Variants in TTC21A observed in about 807,000 individuals in gnomAD.
TTC21A encodes the protein tetratricopeptide repeat domain 21A.
In TTC21A, 128 loss-of-function variants were observed where a neutral mutation model predicts 156.4. That is an observed-to-expected ratio of 0.82 (90% confidence interval 0.71 to 0.95). The LOEUF is 0.95. Ranked by LOEUF, TTC21A falls within the 40% of genes least tolerant of loss-of-function variation. The pLI, the probability that TTC21A is intolerant of heterozygous loss-of-function variation, is 0.00. For synonymous variants in TTC21A, 587 were observed against 617.1 expected, an observed-to-expected ratio of 0.95 and a Z score of 0.72; for missense variants, 1,435 against 1,602.3, an observed-to-expected ratio of 0.90 and a Z score of 1.78.
Position 39,136,449 on chromosome 3 carries a change from G to A in TTC21A, c.3037G>A (p.Val1013Met), listed in dbSNP as rs1179823414. The change falls in exon 23 of 29, where the codon GTG becomes ATG. Residue 1013 changes from valine (V) to methionine (M), a missense_variant. Val to Met is a conservative substitution (Grantham distance 21, BLOSUM62 1). Coordinates refer to ENST00000683103, the MANE Select transcript of TTC21A (RefSeq NM_001366900.1). ...TGCCTTCTTTGAATTGGCCAAGAAGGTGTCTAGCCGGGTGCCTTTGGAACC... is the reference window on the plus strand; with the variant it reads ...TGCCTTCTTTGAATTGGCCAAGAAGATGTCTAGCCGGGTGCCTTTGGAACC... ...IPAFFELAKK[V>M]SSRVPLEPGF... 1 of 1,614,250 alleles carries A rather than the reference G, an allele frequency of 6.2e-7. No individual in the cohort carries two copies. Among genetic ancestry groups the A allele is most frequent in the Non-Finnish European group, 8.5e-7 (1 of 1,180,042 alleles).
At chr3:39,129,357 C>A in intron 15 of TTC21A, 47 bp downstream of exon 15, 1 of 1,400,032 alleles carries the variant, frequency 7.1e-7, no homozygotes, top group Non-Finnish European at 1.0e-6. Flanking sequence ...CCAATGGTAT[C>A]TTAGGGAGTG....
Position 39,134,382 on chromosome 3 carries a change from C to A in TTC21A, c.2862+54C>A. On this transcript the variant is annotated intron_variant, in intron 21 of 28. Coordinates refer to ENST00000683103, the MANE Select transcript of TTC21A (RefSeq NM_001366900.1). The surrounding 1 kb of genome is among the most constrained non-coding windows in gnomAD (Gnocchi z 4.6). ...CCCTCCCTTCCTCCCTTCCCAGGGT[C>A]CCTGTGACCAGATGCAGGCTACTTC... The A allele has an allele frequency of 7.8e-7, 1 of 1,287,674 alleles. No individual in the cohort carries two copies. Among genetic ancestry groups the A allele is most frequent in the Non-Finnish European group, 1.1e-6 (1 of 882,320 alleles). The allele number at this position is 1,287,674 out of a possible 1,614,324, so 79.8% of individuals were successfully genotyped here. A position where few individuals can be genotyped will look rare whatever the true frequency, so the allele number is the denominator to read the frequency against.
intron 26 of TTC21A, 112 bp from the exon 27 acceptor site, chr3:39,138,155 C>T (rs1051185948): frequency 3.7e-5 from 56 of 1,520,396 alleles, no homozygotes; most frequent in Middle Eastern, 3.9e-4. Context: ...TGGTTTATGG[C>T]AGCTCACTTC....
intron 19 of TTC21A, among the ~76,000 whole-genome samples, chr3:39,132,175 T>G (rs1027100653): frequency 2.0e-5 from 3 of 152,214 alleles, no homozygotes; most frequent in Non-Finnish European, 4.4e-5. Flanking sequence ...TATACACAGC[T>G]AAACATAGAA....
chr3:39,114,041 T>C (rs1430859201), intron 5 of TTC21A, among the ~76,000 whole-genome samples: 3 of 152,146 alleles, frequency 2.0e-5, no homozygotes, highest in African/African-American at 7.2e-5. Context: ...GAGGAGAAAC[T>C]GGTGGCTGGT....
At position 39,137,175 on chromosome 3, in the gene TTC21A, C is replaced by G; in HGVS notation, c.3258-20C>G. 1 of 1,606,464 alleles carries G rather than the reference C, an allele frequency of 6.2e-7. No homozygotes were observed. The highest frequency in any genetic ancestry group is 8.5e-7 in the Non-Finnish European group (1 of 1,174,898). ...GCAGGCCACCGGCCTGTGTCTGATA[C>G]CCAGGTCTAACACCTGCAGCTACAT... On this transcript the variant is annotated intron_variant, in intron 24 of 28. Coordinates refer to ENST00000683103, the MANE Select transcript of TTC21A (RefSeq NM_001366900.1).
chr3:39,132,755 C>T, intron 19 of TTC21A: 1 of 456,892 alleles, frequency 2.2e-6, no homozygotes. Flanking sequence ...GCCTGTAGTG[C>T]AGTGAAGCGA....
intron 1 of TTC21A, chr3:39,108,285 T>A (rs180950812): frequency 3.1e-4 from 61 of 196,854 alleles, no homozygotes; most frequent in Admixed American, 1.2e-3. Context: ...CTGGGTTTTC[T>A]TTTTATCTTT....
chr3:39,119,847 A>AG, intron 7 of TTC21A, 75 bp from the exon 8 acceptor site: 1 of 963,624 alleles, frequency 1.0e-6, no homozygotes, highest in Non-Finnish European at 1.6e-6. Flanking sequence ...GCTACTATGC[A>AG]GTCAGGGTTG....
chr3:39,138,196 A>C (rs571141369), intron 26 of TTC21A, 71 bp from the exon 27 acceptor site: 5 of 1,603,466 alleles, frequency 3.1e-6, no homozygotes, highest in Non-Finnish European at 3.4e-6. Context: ...TTCTGGTCCC[A>C]GTCCCACCCT....
chr3:39,125,497 A>G lies in TTC21A; in HGVS notation c.1357A>G (p.Ile453Val). 6.2e-7 allele frequency: 1 copy of G among 1,613,980 alleles called. No homozygotes were observed. Among genetic ancestry groups the G allele is most frequent in the Non-Finnish European group, 8.5e-7 (1 of 1,179,880 alleles). Residue 453 changes from isoleucine (I) to valine (V), a missense_variant, in exon 11 of 29, where the codon ATT (isoleucine) becomes GTT (valine). Transcript: ENST00000683103. ...EKLDPYFLVC[I>V]AKEYLLFCPK... ...GCTGGACCCGTACTTCCTGGTCTGC[A>G]TTGCTAAGGAGTACTTGCTCTTCTG...
At position 39,130,183 on chromosome 3, in the gene TTC21A, G is replaced by T. The variant is rs61746456; in HGVS notation, c.2208+32G>T. On this transcript the variant is annotated intron_variant, in intron 16 of 28. Transcript: ENST00000683103. The surrounding 1 kb of genome is among the most constrained non-coding windows in gnomAD (Gnocchi z 4.5). The stretch of plus-strand genomic sequence containing the variant: ...GAGAGGCCTCACAGCCTTGCCAAGT[G>T]GCCCCCCAGTCTCCCTTCTCCAGTG... The T allele has an allele frequency of 6.4e-5, 103 of 1,612,644 alleles. No individual in the cohort carries two copies. Among genetic ancestry groups the T allele is most frequent in the Middle Eastern group, 1.6e-4 (1 of 6,082 alleles).
At chr3:39,138,103 T>C in intron 26 of TTC21A, 164 bp from the exon 27 acceptor site, 1 of 962,942 alleles carries the variant, frequency 1.0e-6, no homozygotes, top group South Asian at 1.7e-5. Flanking sequence ...CACAGTTGGC[T>C]TCTTGCAAAG....
At chr3:39,113,437 C>T (rs2125759896) in intron 5 of TTC21A, among the ~76,000 whole-genome samples, 1 of 152,336 alleles carries the variant, frequency 6.6e-6, no homozygotes, top group Middle Eastern at 3.4e-3. Flanking sequence ...AGCCGGGATG[C>T]CCCTTCAGTG....
chr3:39,136,557 C>T (rs908899687), intron 23 of TTC21A, 50 bp downstream of exon 23: 2 of 1,592,964 alleles, frequency 1.3e-6, no homozygotes, highest in East Asian at 4.5e-5. Context: ...GGAAGCCCTA[C>T]TGGCAGATAG....
At position 39,133,113 on chromosome 3, in the gene TTC21A, C is replaced by G; in HGVS notation, c.2624C>G (p.Pro875Arg). 1 of 1,614,232 alleles carries G rather than the reference C, an allele frequency of 6.2e-7. No individual in the cohort carries two copies. The change falls in exon 20 of 29, where the codon CCC becomes CGC. Residue 875 changes from proline to arginine, a missense_variant. Transcript: ENST00000683103. ...CCACTGGAGCAACCAGAAATGATTCCCTCCCAGAAGCAACTGGCAGCCTCT... is the reference window on the plus strand; with the variant it reads ...CCACTGGAGCAACCAGAAATGATTCGCTCCCAGAAGCAACTGGCAGCCTCT... Reference protein sequence around the residue: ...RVPLEQPEMIPSQKQLAASIC... With the variant: ...RVPLEQPEMIRSQKQLAASIC...
chr3:39,128,408 A>G lies in TTC21A; in HGVS notation c.1600A>G (p.Met534Val). 2 of 1,614,144 alleles carry G rather than the reference A, an allele frequency of 1.2e-6. No homozygotes were observed. The highest frequency in any genetic ancestry group is 8.5e-7 in the Non-Finnish European group (1 of 1,180,026). The change falls in exon 13 of 29, where the codon ATG becomes GTG. Residue 534 changes from methionine to valine, a missense_variant. By Grantham distance (21) the Met-to-Val change is conservative (BLOSUM62 1). Coordinates refer to ENST00000683103, the MANE Select transcript of TTC21A (RefSeq NM_001366900.1). ...DPASVDAHLL[M>V]CQIYLAQGNF... is the part of the protein sequence containing the mutation. ...CGCCTCCGTGGATGCCCATCTCCTC[A>G]TGTGTCAGATCTACTTGGCTCAGGG...
At position 39,133,162 on chromosome 3, in the gene TTC21A, C is replaced by T. The variant is rs1456979614; in HGVS notation, c.2673C>T (p.His891=). 1 of 1,614,120 alleles carries T rather than the reference C, an allele frequency of 6.2e-7. No homozygotes were observed. The highest frequency in any genetic ancestry group is 1.3e-5 in the African/African-American group (1 of 74,942). ...CTATCTGCATCCAATTTGCAGAGCACTACCTGGCAGAGAAAGAGTATGACA... is the reference window on the plus strand; with the variant it reads ...CTATCTGCATCCAATTTGCAGAGCATTACCTGGCAGAGAAAGAGTATGACA... ...AASICIQFAE[H]YLAEKEYDKA... The change falls in exon 20 of 29, where the codon CAC becomes CAT. Residue 891 remains histidine (H), a synonymous_variant. Coordinates refer to ENST00000683103, the MANE Select transcript of TTC21A (RefSeq NM_001366900.1).
Position 39,135,126 on chromosome 3 carries a change from C to T in TTC21A, c.2896C>T (p.His966Tyr), listed in dbSNP as rs2039015965. 1.2e-6 allele frequency: 2 copies of T among 1,612,644 alleles called. No homozygotes were observed. The highest frequency in any genetic ancestry group is 4.5e-5 in the East Asian group (2 of 44,788). Residue 966 changes from histidine to tyrosine, a missense_variant, in exon 22 of 29, where the codon CAT (histidine) becomes TAT (tyrosine). By Grantham distance (83) the His-to-Tyr change is moderately conservative (BLOSUM62 2). Transcript: ENST00000683103. ...MADLMFRKQK[H>Y]EAAINLYHQV... ...TGACCTGATGTTTAGAAAACAGAAA[C>T]ATGAAGCGGCCATCAATCTTTACCA...
Sources: gnomAD v4.1 joint callset for allele counts (sites outside exome capture counted in the v4.1 genomes callset) on GRCh38, gnomAD v4.1.1 for gene constraint, Gnocchi (gnomAD v3.1) non-coding constraint, MANE v1.5 for transcripts, NCBI Gene and HGNC (gene_info 2026-07-23, HGNC 2026-07-21) for gene names.